BRMS1L: variants seen among roughly 807,000 people sequenced by gnomAD.
BRMS1L encodes the protein breast cancer metastasis-suppressor 1-like protein.
A neutral mutation model predicts 50.3 loss-of-function variants in BRMS1L; 23 were observed. The ratio of observed to expected loss-of-function variants is 0.46; its 90% CI spans 0.33 to 0.65. The LOEUF (loss-of-function observed/expected upper bound fraction) is 0.65, where lower values mean the gene tolerates loss of function less well. Ranked by LOEUF, BRMS1L falls within the 30% of genes least tolerant of loss-of-function variation. The pLI, the probability that BRMS1L is intolerant of heterozygous loss-of-function variation, is 0.02. For synonymous variants in BRMS1L, 114 were observed against 126.9 expected, an observed-to-expected ratio of 0.90 and a Z score of 0.69; for missense variants, 286 against 386.1, an observed-to-expected ratio of 0.74 and a Z score of 2.17.
intron 4 of BRMS1L, among the ~76,000 whole-genome samples, chr14:35,860,739 A>G (rs536862669): frequency 6.6e-6 from 1 of 152,318 alleles, no homozygotes; most frequent in African/African-American, 2.4e-5. Flanking sequence ...AATACAGGTC[A>G]GTGTGAGGTC....
rs2078287460 is a variant in BRMS1L, at chr14:35,856,888, A to T, written c.442-5702A>T. ...CCCAGCCTGGCCTATTTTTTAAAAA[A>T]CTAGCTAGTATGATTTTGAATCTAC... On this transcript the variant is annotated intron_variant, in intron 4 of 9. Coordinates refer to ENST00000216807, the MANE Select transcript of BRMS1L (RefSeq NM_032352.4). 3.3e-5 allele frequency among the ~76,000 whole-genome samples: 5 copies of T among 152,096 alleles called. No individual in the cohort carries two copies. The South Asian group carries it at 1.0e-3, about 32-fold the overall frequency.
At chr14:35,853,793 T>C (rs141052137) in intron 4 of BRMS1L, among the ~76,000 whole-genome samples, 688 of 152,230 alleles carry the variant, frequency 4.5e-3, no homozygotes, top group African/African-American at 0.015. Context: ...CCTTTTTAAT[T>C]CCCTCATAAC....
chr14:35,864,235 A>G (rs1419183425), intron 6 of BRMS1L, among the ~76,000 whole-genome samples: 1 of 152,146 alleles, frequency 6.6e-6, no homozygotes, highest in Non-Finnish European at 1.5e-5. Flanking sequence ...CGTTTAGTAT[A>G]CAGTATGATT....
chr14:35,869,574 G>A (rs2078462146), intron 9 of BRMS1L, among the ~76,000 whole-genome samples: 3 of 152,032 alleles, frequency 2.0e-5, no homozygotes, highest in African/African-American at 2.4e-5. Flanking sequence ...TAGGCCGGGT[G>A]CAGTGGCTCA....
At chr14:35,864,710 C>T (rs963226055) in intron 6 of BRMS1L, among the ~76,000 whole-genome samples, 2 of 152,124 alleles carry the variant, frequency 1.3e-5, no homozygotes, top group Non-Finnish European at 2.9e-5. Context: ...ATGTATATTA[C>T]AATCAATGAT....
chr14:35,848,614 G>A (rs2078167730), intron 4 of BRMS1L, among the ~76,000 whole-genome samples: 1 of 151,990 alleles, frequency 6.6e-6, no homozygotes, highest in South Asian at 2.1e-4. Flanking sequence ...CCCATACCCT[G>A]CCCCACTGCC....
At chr14:35,864,744 T>A in intron 6 of BRMS1L, among the ~76,000 whole-genome samples, 191 bp from the exon 7 acceptor site, 1 of 152,142 alleles carries the variant, frequency 6.6e-6, no homozygotes, top group East Asian at 1.9e-4. Context: ...GGGCATGTAG[T>A]TATGACATCA....
Position 35,870,374 on chromosome 14 carries a change from C to T in BRMS1L, c.869C>T (p.Thr290Ile). Reference sequence around the variant, plus strand: ...TTTCTTTTTAGTGCTGTAATTACAACAATTAACCATGATGAAGTTTGGTTT... The same window carrying T: ...TTTCTTTTTAGTGCTGTAATTACAATAATTAACCATGATGAAGTTTGGTTT... Reference protein sequence around the residue: ...DECPTSAVITTINHDEVWFKR... With the variant: ...DECPTSAVITIINHDEVWFKR... The change falls in exon 10 of 10, where the codon ACA becomes ATA. Residue 290 changes from threonine (T) to isoleucine (I), a missense_variant. Physicochemically the swap from Thr to Ile is moderately conservative, Grantham distance 89. Transcript: ENST00000216807. 1 of 1,587,920 alleles carries T rather than the reference C, an allele frequency of 6.3e-7. No homozygotes were observed. The highest frequency in any genetic ancestry group is 8.6e-7 in the Non-Finnish European group (1 of 1,162,382).
chr14:35,842,989 G>T (rs1411275217), intron 4 of BRMS1L, among the ~76,000 whole-genome samples: 1 of 152,138 alleles, frequency 6.6e-6, no homozygotes, highest in Non-Finnish European at 1.5e-5. Flanking sequence ...ACTTGTGGAT[G>T]CTTCATGAAG....
At chr14:35,828,156 C>T (rs927135782) in intron 1 of BRMS1L, among the ~76,000 whole-genome samples, 1 of 151,978 alleles carries the variant, frequency 6.6e-6, no homozygotes, top group Non-Finnish European at 1.5e-5. Context: ...AAGAGTATTT[C>T]AGACATGTTG....
At chr14:35,827,534 G>C (rs539364474) in intron 1 of BRMS1L, among the ~76,000 whole-genome samples, 1 of 152,294 alleles carries the variant, frequency 6.6e-6, no homozygotes, top group Non-Finnish European at 1.5e-5. Context: ...GTATCACCCA[G>C]ATGCCCTCTT....
intron 4 of BRMS1L, among the ~76,000 whole-genome samples, chr14:35,858,942 C>CTTTTT (rs2078315762): frequency 6.6e-6 from 1 of 150,386 alleles, no homozygotes. Context: ...ATATCTTACC[C>CTTTTT]ATTTTTTTTT....
chr14:35,831,585 T>G (rs2077919512), intron 2 of BRMS1L, 85 bp downstream of exon 2: 1 of 995,158 alleles, frequency 1.0e-6, no homozygotes, highest in South Asian at 1.4e-5. Flanking sequence ...AGATTCAGTC[T>G]CAGCTGTTTT....
Position 35,862,582 on chromosome 14 carries a change from C to A in BRMS1L, c.442-8C>A. 6.4e-7 allele frequency: 1 copy of A among 1,559,118 alleles called. No homozygotes were observed. Among genetic ancestry groups the A allele is most frequent in the Non-Finnish European group, 8.7e-7 (1 of 1,153,236 alleles). On this transcript the variant is annotated splice_polypyrimidine_tract_variant and splice_region_variant and intron_variant, in intron 4 of 9. Coordinates refer to ENST00000216807, the MANE Select transcript of BRMS1L (RefSeq NM_032352.4). ...TTCTACTTAAGTATAATCTGTTTTT[C>A]TCCCCAGAGCGAAAAGCTGTTGCTA...
intron 1 of BRMS1L, among the ~76,000 whole-genome samples, chr14:35,827,120 G>C (rs144597389): frequency 6.6e-6 from 1 of 152,212 alleles, no homozygotes; most frequent in Non-Finnish European, 1.5e-5. Context: ...TTTTACATCA[G>C]TGTCTTTTCG....
In BRMS1L at chr14:35,863,860, T is replaced by C; in HGVS notation, c.539-10T>C. Reference sequence around the variant, plus strand: ...AACCCACTAATACTTAATCTTTATTTACCTGCCAGAGCTGTGGAATGATGA... The same window carrying C: ...AACCCACTAATACTTAATCTTTATTCACCTGCCAGAGCTGTGGAATGATGA... On this transcript the variant is annotated splice_polypyrimidine_tract_variant and intron_variant, in intron 5 of 9. Coordinates refer to ENST00000216807, the MANE Select transcript of BRMS1L (RefSeq NM_032352.4). 1 of 1,611,156 alleles carries C rather than the reference T, an allele frequency of 6.2e-7. No homozygotes were observed. Among genetic ancestry groups the C allele is most frequent in the Non-Finnish European group, 8.5e-7 (1 of 1,178,862 alleles).
In BRMS1L at chr14:35,870,459, T is replaced by C. The variant is rs1264211686; in HGVS notation, c.954T>C (p.Tyr318=). The change falls in exon 10 of 10, where the codon TAT becomes TAC. Residue 318 remains tyrosine, a synonymous_variant. Transcript: ENST00000216807. The part of the protein sequence containing the change: ...LYISQLQKGK[Y]SIKHS ...TTTCACAGCTACAGAAAGGAAAATA[T>C]TCAATTAAACATTCATAATCATGAT... 3.8e-6 allele frequency: 6 copies of C among 1,599,778 alleles called. No individual in the cohort carries two copies. Among genetic ancestry groups the C allele is most frequent in the Non-Finnish European group, 5.1e-6 (6 of 1,169,916 alleles).
intron 6 of BRMS1L, 92 bp from the exon 7 acceptor site, chr14:35,864,843 A>G: frequency 1.1e-6 from 1 of 925,422 alleles, no homozygotes; most frequent in South Asian, 1.5e-5. Context: ...TTATGCTCAT[A>G]AATCATCGTT....
chr14:35,865,282 A>G (rs959074625), intron 7 of BRMS1L, among the ~76,000 whole-genome samples: 1 of 152,218 alleles, frequency 6.6e-6, no homozygotes, highest in African/African-American at 2.4e-5. Context: ...AAAAATAATA[A>G]CATCACCATC....
Sources: allele counts gnomAD v4.1 joint callset (sites outside exome capture counted in the v4.1 genomes callset), GRCh38; gene constraint gnomAD v4.1.1; transcripts MANE v1.5; gene names NCBI Gene and HGNC (gene_info 2026-07-23, HGNC 2026-07-21).